CSMD1: variants seen among roughly 807,000 people sequenced by gnomAD.
CSMD1 encodes CUB and sushi domain-containing protein 1.
CSMD1 carries 213 observed loss-of-function variants against 417.5 expected under a neutral mutation model. The ratio of observed to expected loss-of-function variants is 0.51; its 90% CI spans 0.46 to 0.57. The LOEUF is 0.57. Among genes scored for constraint, CSMD1 ranks in the 20% least tolerant of loss-of-function variants. The pLI, the probability that CSMD1 is intolerant of heterozygous loss-of-function variation, is 0.00. For synonymous variants in CSMD1, 2,862 were observed against 1,736.8 expected, an observed-to-expected ratio of 1.65 and a Z score of -16.11; for missense variants, 6,923 against 4,529.7, an observed-to-expected ratio of 1.53 and a Z score of -15.17.
chr8:4,840,785 T>C lies in CSMD1; in HGVS notation c.85+153547A>G, dbSNP rs145450657. On this transcript the variant is annotated intron_variant, in intron 1 of 69. Coordinates refer to ENST00000635120, the MANE Select transcript of CSMD1 (RefSeq NM_033225.6). ...CAAAACTATTAAAATGTCCATGTCG[T>C]TATGCACAGGGCTTTTATACCAGGT... is the stretch of plus-strand genomic sequence containing the variant. Among the ~76,000 whole-genome samples, 506 of 152,358 alleles carry C rather than the reference T, an allele frequency of 3.3e-3. 1 individual carries two copies. Among genetic ancestry groups the C allele is most frequent in the African/African-American group, 0.012 (485 of 41,580 alleles).
rs374269387 is a variant in CSMD1, at chr8:3,057,631, T to C, written c.7475-4984A>G. Among the ~76,000 whole-genome samples, 119 of 152,312 alleles carry C rather than the reference T, an allele frequency of 7.8e-4. 4 individuals carry two copies. In the South Asian group the frequency reaches 0.023, roughly 30 times the overall value. On this transcript the variant is annotated intron_variant, in intron 49 of 69. Coordinates refer to ENST00000635120, the MANE Select transcript of CSMD1 (RefSeq NM_033225.6). ...ACAAGCCTATTAGATACAAACGTTA[T>C]TCGACTTTCTTACAGATAAAGTTAC...
At chr8:3,640,986 C>T (rs1797277605) in intron 7 of CSMD1, among the ~76,000 whole-genome samples, 1 of 150,012 alleles carries the variant, frequency 6.7e-6, no homozygotes, top group Non-Finnish European at 1.5e-5. Flanking sequence ...AGAAAATATA[C>T]CATCATTTTA....
At chr8:3,406,259 C>T (rs1352334212) in intron 14 of CSMD1, 38 bp from the exon 15 acceptor site, 2 of 1,499,352 alleles carry the variant, frequency 1.3e-6, no homozygotes, top group Non-Finnish European at 1.8e-6. Context: ...AATAAAAATA[C>T]TTGAGTATTA....
chr8:4,363,607 A>G (rs1473001965), intron 3 of CSMD1, among the ~76,000 whole-genome samples: 1 of 152,200 alleles, frequency 6.6e-6, no homozygotes. Flanking sequence ...CAAAGAGACA[A>G]CATCAACGTC....
At chr8:4,788,750 TAAAAAAAATA>T (rs1180725320) in intron 1 of CSMD1, among the ~76,000 whole-genome samples, 1 of 151,398 alleles carries the variant, frequency 6.6e-6, no homozygotes, top group Non-Finnish European at 1.5e-5. Context: ...CATGAAAACC[TAAAAAAAATA>T]AAAAAAAATA....
At chr8:2,978,224 C>T (rs1489370385) in intron 55 of CSMD1, among the ~76,000 whole-genome samples, 1 of 152,178 alleles carries the variant, frequency 6.6e-6, no homozygotes, top group African/African-American at 2.4e-5. Flanking sequence ...AGCACTTCGC[C>T]CACCTGGGCT....
chr8:4,360,027 C>T (rs939641890), intron 3 of CSMD1, among the ~76,000 whole-genome samples: 2 of 152,198 alleles, frequency 1.3e-5, no homozygotes, highest in African/African-American at 2.4e-5. Flanking sequence ...GCTCTCTTCC[C>T]TGTCCCCATC....
intron 4 of CSMD1, among the ~76,000 whole-genome samples, chr8:4,025,724 A>C (rs1412074025): frequency 1.3e-5 from 2 of 152,182 alleles, no homozygotes; most frequent in East Asian, 1.9e-4. Context: ...AGAAAAATGA[A>C]TTTTGAGGTC....
At chr8:3,738,701 G>A (rs187712190) in intron 6 of CSMD1, among the ~76,000 whole-genome samples, 1 of 152,284 alleles carries the variant, frequency 6.6e-6, no homozygotes, top group Non-Finnish European at 1.5e-5. Context: ...ACAGACACAT[G>A]GAAGGTGCCA....
intron 3 of CSMD1, among the ~76,000 whole-genome samples, chr8:4,085,535 G>A (rs932403609): frequency 1.3e-5 from 2 of 151,964 alleles, no homozygotes; most frequent in Admixed American, 1.3e-4. Context: ...TCCGTTCTTT[G>A]TAACCCTAAT....
intron 3 of CSMD1, among the ~76,000 whole-genome samples, chr8:4,367,713 G>T (rs748542789): frequency 3.9e-5 from 6 of 152,010 alleles, no homozygotes; most frequent in African/African-American, 1.2e-4. Context: ...GTTTTCATCT[G>T]TTTCTGTCAT....
chr8:4,621,633 C>A (rs1031031916), intron 2 of CSMD1, among the ~76,000 whole-genome samples: 1 of 152,016 alleles, frequency 6.6e-6, no homozygotes, highest in African/African-American at 2.4e-5. Flanking sequence ...ATCAAAATTA[C>A]ACAGTTTTAG....
intron 1 of CSMD1, among the ~76,000 whole-genome samples, chr8:4,815,231 T>C (rs1799137262): frequency 6.6e-6 from 1 of 152,098 alleles, no homozygotes; most frequent in African/African-American, 2.4e-5. Context: ...CAAATGATTA[T>C]TTGATGAAAC....
At chr8:3,843,204 T>C (rs924114262) in intron 5 of CSMD1, among the ~76,000 whole-genome samples, 24 of 152,194 alleles carry the variant, frequency 1.6e-4, no homozygotes, top group Non-Finnish European at 3.2e-4. Flanking sequence ...CTTGAAAACC[T>C]TGCTTTCCCA....
intron 5 of CSMD1, among the ~76,000 whole-genome samples, chr8:3,926,051 T>TACACACACACACACACACAAACACC (rs752699683): frequency 3.9e-5 from 3 of 76,614 alleles, no homozygotes; most frequent in Admixed American, 1.2e-4. Context: ...ACAAACACCA[T>TACACACACACACACACACAAACACC]ATACACACAC....
At chr8:3,484,452 A>G (rs908406501) in intron 11 of CSMD1, among the ~76,000 whole-genome samples, 1 of 152,192 alleles carries the variant, frequency 6.6e-6, no homozygotes, top group African/African-American at 2.4e-5. Flanking sequence ...GGGATAAGAG[A>G]CTTAAATGTA....
chr8:3,585,588 G>T (rs1800565443), intron 9 of CSMD1, among the ~76,000 whole-genome samples: 1 of 152,042 alleles, frequency 6.6e-6, no homozygotes, highest in South Asian at 2.1e-4. Flanking sequence ...TTTAACCTTT[G>T]CTGACTTCGT....
rs191194694 is a variant in CSMD1, at chr8:3,643,457, C to G, written c.1010-26660G>C. ...GTGGCTCACGCCTGTAATCCTAGCACTTTGGGAGGCCGAGGTAGGCGGATC... is the reference window on the plus strand; with the variant it reads ...GTGGCTCACGCCTGTAATCCTAGCAGTTTGGGAGGCCGAGGTAGGCGGATC... On this transcript the variant is annotated intron_variant, in intron 7 of 69. Coordinates refer to ENST00000635120, the MANE Select transcript of CSMD1 (RefSeq NM_033225.6). Among the ~76,000 whole-genome samples, 676 of 152,092 alleles carry G rather than the reference C, an allele frequency of 4.4e-3. 4 individuals carry two copies. The highest frequency in any genetic ancestry group is 0.016 in the African/African-American group (664 of 41,508).
intron 3 of CSMD1, among the ~76,000 whole-genome samples, chr8:4,092,579 C>A (rs1800777864): frequency 2.0e-5 from 3 of 152,124 alleles, no homozygotes; most frequent in African/African-American, 4.8e-5. Flanking sequence ...TTTCTTAACA[C>A]TACCAATAAT....
Sources: gnomAD v4.1 joint callset for allele counts (sites outside exome capture counted in the v4.1 genomes callset) on GRCh38, gnomAD v4.1.1 for gene constraint, MANE v1.5 for transcripts, NCBI Gene and HGNC (gene_info 2026-07-23, HGNC 2026-07-21) for gene names.